Variants in WRN observed in about 807,000 individuals in gnomAD.
WRN encodes the protein WRN RecQ like helicase.
A neutral mutation model predicts 180.7 loss-of-function variants in WRN; 149 were observed. The ratio of observed to expected loss-of-function variants is 0.82; its 90% CI spans 0.72 to 0.94. WRN has a LOEUF of 0.94. Ranked by LOEUF, WRN falls within the 40% of genes least tolerant of loss-of-function variation. The pLI, the probability that WRN is intolerant of heterozygous loss-of-function variation, is 0.00. For synonymous variants in WRN, 548 were observed against 568.9 expected (o/e 0.96, Z 0.52); for missense variants, 1,661 against 1,700.1 (o/e 0.98, Z 0.40).
chr8:31,132,779 G>A (rs560716745), intron 24 of WRN, among the ~76,000 whole-genome samples: 2 of 152,166 alleles, frequency 1.3e-5, no homozygotes, highest in South Asian at 4.1e-4. Flanking sequence ...TTGCATTTGG[G>A]TGAATCCCTA....
At chr8:31,090,390 A>G in intron 13 of WRN, 75 bp from the exon 14 acceptor site, 1 of 1,402,446 alleles carries the variant, frequency 7.1e-7, no homozygotes, top group Non-Finnish European at 1.0e-6. Context: ...GAAATGAAAA[A>G]TTGAATGGAT....
chr8:31,122,501 A>C (rs1293174828), intron 21 of WRN, among the ~76,000 whole-genome samples: 1 of 151,960 alleles, frequency 6.6e-6, no homozygotes, highest in Non-Finnish European at 1.5e-5. Context: ...CAAAGTCCCA[A>C]TGTCTGCATT....
At chr8:31,131,882 G>C (rs1399575743) in intron 23 of WRN, 1 of 158,550 alleles carries the variant, frequency 6.3e-6, no homozygotes, top group Admixed American at 6.4e-5. Flanking sequence ...CCCCGAATGA[G>C]TGAGCCCCTA....
rs768974963 is a variant in WRN, at chr8:31,167,058, C to T, written c.4019C>T (p.Pro1340Leu). ...ATTAGCCTAATCAGAATGTTAGTTC[C>T]TGAAAACATTGACACGTACCTTATC... ...SKISLIRMLV[P>L]ENIDTYLIHM... The change falls in exon 34 of 35, where the codon CCT (proline) becomes CTT (leucine). Residue 1340 changes from proline to leucine, a missense_variant. Around this residue, in one of 3 missense-constraint regions of WRN, gnomAD observed 1,141 missense variants for 1,149.4 expected, o/e 0.99. Coordinates refer to ENST00000298139, the MANE Select transcript of WRN (RefSeq NM_000553.6). 1 of 1,613,100 alleles carries T rather than the reference C, an allele frequency of 6.2e-7. No homozygotes were observed. The highest frequency in any genetic ancestry group is 1.3e-5 in the African/African-American group (1 of 74,972).
intron 19 of WRN, among the ~76,000 whole-genome samples, chr8:31,114,449 T>C (rs1295910792): frequency 6.6e-6 from 1 of 152,212 alleles, no homozygotes; most frequent in Non-Finnish European, 1.5e-5. Context: ...TGGCTCCTTT[T>C]GTAATAGGAA....
chr8:31,080,269 C>G (rs775466572), intron 8 of WRN, among the ~76,000 whole-genome samples: 1 of 152,138 alleles, frequency 6.6e-6, no homozygotes, highest in Non-Finnish European at 1.5e-5. Flanking sequence ...TACAGGCCAG[C>G]TCTTTGGAGT....
chr8:31,142,786 C>A, intron 27 of WRN, 85 bp downstream of exon 27: 2 of 1,253,692 alleles, frequency 1.6e-6, no homozygotes, highest in Non-Finnish European at 2.2e-6. Flanking sequence ...AATTCCTTTC[C>A]AATTAAAGAG....
intron 28 of WRN, among the ~76,000 whole-genome samples, chr8:31,144,856 G>T (rs551719999): frequency 6.6e-6 from 1 of 152,182 alleles, no homozygotes; most frequent in African/African-American, 2.4e-5. Flanking sequence ...AGCAAAGCAG[G>T]CTTTTTGCTG....
chr8:31,083,131 A>G (rs1813386344), intron 9 of WRN, among the ~76,000 whole-genome samples: 1 of 151,980 alleles, frequency 6.6e-6, no homozygotes, highest in Non-Finnish European at 1.5e-5. Flanking sequence ...GTTCCTGGAG[A>G]TTGCCAAATT....
chr8:31,092,760 T>C (rs2130183629), intron 16 of WRN, among the ~76,000 whole-genome samples: 1 of 152,158 alleles, frequency 6.6e-6, no homozygotes, highest in African/African-American at 2.4e-5. Context: ...CCCCAGTCTG[T>C]CCTTCCATCC....
chr8:31,129,590 A>T (rs1484625076), intron 23 of WRN, among the ~76,000 whole-genome samples: 2 of 145,538 alleles, frequency 1.4e-5, no homozygotes, highest in African/African-American at 5.3e-5. Flanking sequence ...ATAACACTTA[A>T]ATAATTCATA....
At chr8:31,075,688 C>T (rs942134355) in intron 7 of WRN, among the ~76,000 whole-genome samples, 5 of 151,200 alleles carry the variant, frequency 3.3e-5, no homozygotes, top group Non-Finnish European at 7.4e-5. Context: ...CCACTGCATT[C>T]CAGCCTGGGT....
At chr8:31,147,599 C>A in intron 30 of WRN, 123 bp downstream of exon 30, 1 of 882,874 alleles carries the variant, frequency 1.1e-6, no homozygotes. Flanking sequence ...ACTCAGATTC[C>A]CCCTGCTGCG....
chr8:31,143,851 T>A (rs571027445), intron 28 of WRN, among the ~76,000 whole-genome samples: 9 of 152,276 alleles, frequency 5.9e-5, no homozygotes, highest in East Asian at 5.8e-4. Flanking sequence ...TGTTAAATGC[T>A]AAGAACTTTA....
intron 34 of WRN, among the ~76,000 whole-genome samples, chr8:31,168,510 G>C (rs1393150399): frequency 7.2e-6 from 1 of 138,148 alleles, no homozygotes; most frequent in Non-Finnish European, 1.6e-5. Flanking sequence ...GAGAATGGTG[G>C]GTATTTTGGG....
chr8:31,098,550 C>T (rs899713154), intron 17 of WRN, among the ~76,000 whole-genome samples: 5 of 152,106 alleles, frequency 3.3e-5, no homozygotes, highest in Admixed American at 2.6e-4. Flanking sequence ...AAAAGGGATA[C>T]ATGAAATAAA....
At chr8:31,038,277 G>A (rs1811522724) in intron 1 of WRN, among the ~76,000 whole-genome samples, 1 of 152,152 alleles carries the variant, frequency 6.6e-6, no homozygotes, top group Admixed American at 6.6e-5. Context: ...AGTAGGTGGT[G>A]GGAAGTGGTA....
chr8:31,139,233 A>G (rs1294252333), intron 24 of WRN, among the ~76,000 whole-genome samples: 2 of 152,174 alleles, frequency 1.3e-5, no homozygotes, highest in Non-Finnish European at 2.9e-5. Context: ...GCTGCAACTC[A>G]TTTTATATAT....
intron 33 of WRN, among the ~76,000 whole-genome samples, chr8:31,166,650 A>G (rs995384895): frequency 6.6e-6 from 1 of 152,218 alleles, no homozygotes; most frequent in South Asian, 2.1e-4. Flanking sequence ...TGATCAGAAT[A>G]AATTATTTTA....
Sources: allele counts gnomAD v4.1 joint callset (sites outside exome capture counted in the v4.1 genomes callset), GRCh38; gene constraint gnomAD v4.1.1; regional missense constraint gnomAD v4.1.1; transcripts MANE v1.5; gene names NCBI Gene and HGNC (gene_info 2026-07-23, HGNC 2026-07-21).